The following TMPRSS2 variants were observed in gnomAD, a reference collection of about 807,000 sequenced individuals.
TMPRSS2 encodes transmembrane protease serine 2.
TMPRSS2 carries 59 observed loss-of-function variants against 67.4 expected under a neutral mutation model. The ratio of observed to expected loss-of-function variants is 0.88; its 90% confidence interval spans 0.71 to 1.09. TMPRSS2 has a LOEUF of 1.09. Ranked by LOEUF, TMPRSS2 falls within the 50% of genes least tolerant of loss-of-function variation. The probability of loss-of-function intolerance (pLI) is 0.00; values close to 1 mark genes in which losing one functional copy is unlikely to be tolerated. For synonymous variants in TMPRSS2, 257 were observed against 257.0 expected (o/e 1.00, Z 0.00); for missense variants, 668 against 642.7 (o/e 1.04, Z -0.43).
intron 11 of TMPRSS2, chr21:41,468,889 G>T: frequency 4.1e-6 from 1 of 241,912 alleles, no homozygotes; most frequent in Admixed American, 4.8e-5. Context: ...ACCCCACCCA[G>T]GACACACAGG....
chr21:41,492,489 T>C (rs1911952192), intron 3 of TMPRSS2, among the ~76,000 whole-genome samples: 1 of 152,236 alleles, frequency 6.6e-6, no homozygotes, highest in African/African-American at 2.4e-5. Flanking sequence ...GCTTCTGAAT[T>C]GGTGCTACTC....
intron 5 of TMPRSS2, chr21:41,488,101 C>T: frequency 4.0e-6 from 1 of 252,380 alleles, no homozygotes; most frequent in East Asian, 6.4e-5. Flanking sequence ...CCTGCATCTC[C>T]AACTTTATAA....
chr21:41,493,669 A>G (rs2091355936), intron 3 of TMPRSS2, among the ~76,000 whole-genome samples: 1 of 152,240 alleles, frequency 6.6e-6, no homozygotes, highest in Non-Finnish European at 1.5e-5. Context: ...AACTAGCCTG[A>G]ATTAACAGCT....
chr21:41,469,406 C>T (rs7278627), intron 11 of TMPRSS2, among the ~76,000 whole-genome samples: 2 of 151,976 alleles, frequency 1.3e-5, no homozygotes, highest in Non-Finnish European at 2.9e-5. Flanking sequence ...CCACTCCCCA[C>T]GCAGCTGCCA....
intron 13 of TMPRSS2, among the ~76,000 whole-genome samples, chr21:41,467,409 T>A (rs908923822): frequency 2.0e-5 from 3 of 148,206 alleles, no homozygotes; most frequent in Admixed American, 6.7e-5. Context: ...AAAAAAAGTT[T>A]GATGTGAGGT....
chr21:41,472,539 T>C (rs932989979), intron 9 of TMPRSS2, among the ~76,000 whole-genome samples: 2 of 150,900 alleles, frequency 1.3e-5, no homozygotes, highest in Non-Finnish European at 3.0e-5. Flanking sequence ...CCAGAGCACC[T>C]GGGGGTGTGA....
In TMPRSS2 at chr21:41,488,494, G is replaced by GT. The variant is rs753123464; in HGVS notation, c.344dup (p.Asn115LysfsTer17). ...CTGAGGAGTCGCACTCTATCCCAGAGTTGGAGCACTTGCTGCCCACTTGCA... is the reference window on the plus strand; with the variant it reads ...CTGAGGAGTCGCACTCTATCCCAGAGTTTGGAGCACTTGCTGCCCACTTGCA... On this transcript the variant is annotated frameshift_variant, in exon 5 of 14. Coordinates refer to ENST00000332149, the MANE Select transcript of TMPRSS2 (RefSeq NM_005656.4). LOFTEE classifies it high-confidence loss of function. 6.2e-7 allele frequency: 1 copy of GT among 1,613,360 alleles called. No homozygotes were observed. The highest frequency in any genetic ancestry group is 8.5e-7 in the Non-Finnish European group (1 of 1,179,484).
At chr21:41,473,870 A>G (rs1164097132) in intron 8 of TMPRSS2, among the ~76,000 whole-genome samples, 1 of 143,010 alleles carries the variant, frequency 7.0e-6, no homozygotes, top group East Asian at 2.1e-4. Context: ...GCTGGAAGTG[A>G]GTGAGGGGGT....
intron 8 of TMPRSS2, among the ~76,000 whole-genome samples, chr21:41,473,756 T>C (rs1446913724): frequency 1.3e-5 from 2 of 150,822 alleles, no homozygotes; most frequent in South Asian, 2.1e-4. Flanking sequence ...GGTGGGGGTG[T>C]TCTGGATAAC....
In TMPRSS2 at chr21:41,479,161, T is replaced by C; in HGVS notation, c.683+11A>G. ...CATTCCAAAATTTTTCAAGAAGAAATTGCTGCATACCTGTGGTACAGTTTT... is the reference window on the plus strand; with the variant it reads ...CATTCCAAAATTTTTCAAGAAGAAACTGCTGCATACCTGTGGTACAGTTTT... On this transcript the variant is annotated intron_variant, in intron 7 of 13. Coordinates refer to ENST00000332149, the MANE Select transcript of TMPRSS2 (RefSeq NM_005656.4). The C allele has an allele frequency of 1.2e-6, 2 of 1,605,292 alleles. No individual in the cohort carries two copies. Among genetic ancestry groups the C allele is most frequent in the Non-Finnish European group, 1.7e-6 (2 of 1,174,150 alleles).
chr21:41,472,574 T>C (rs1296651736), intron 9 of TMPRSS2, among the ~76,000 whole-genome samples: 5 of 152,114 alleles, frequency 3.3e-5, no homozygotes, highest in Non-Finnish European at 1.5e-5. Flanking sequence ...GGGAGCACCC[T>C]TGGGTAACAG....
In TMPRSS2 at chr21:41,470,638, G is replaced by A; in HGVS notation, c.1171+10C>T. 1 of 1,612,484 alleles carries A rather than the reference G, an allele frequency of 6.2e-7. No individual in the cohort carries two copies. Among genetic ancestry groups the A allele is most frequent in the Non-Finnish European group, 8.5e-7 (1 of 1,179,448 alleles). ...GCCCTGCAGTCCTGTGTGCCCAGGA[G>A]CAGCCTCACCTTTCTCCTCGGTGGC... On this transcript the variant is annotated intron_variant, in intron 11 of 13. Transcript: ENST00000332149.
chr21:41,468,335 C>G (rs2091101646), intron 12 of TMPRSS2, 61 bp downstream of exon 12: 1 of 1,597,098 alleles, frequency 6.3e-7, no homozygotes, highest in African/African-American at 1.3e-5. Flanking sequence ...TGCCCTCTCT[C>G]TCATGGGGGG....
chr21:41,484,739 T>C (rs2091282619), intron 5 of TMPRSS2, among the ~76,000 whole-genome samples: 1 of 152,146 alleles, frequency 6.6e-6, no homozygotes, highest in African/African-American at 2.4e-5. Context: ...CCTACTGATA[T>C]GCTCACACAC....
At chr21:41,468,752 T>C (rs2091105654) in intron 11 of TMPRSS2, 1 of 523,364 alleles carries the variant, frequency 1.9e-6, no homozygotes, top group Non-Finnish European at 3.4e-6. Flanking sequence ...AATGCAGCTC[T>C]GGAGTTCAGC....
At chr21:41,466,836 G>T (rs958798839) in intron 13 of TMPRSS2, among the ~76,000 whole-genome samples, 1 of 152,192 alleles carries the variant, frequency 6.6e-6, no homozygotes, top group Non-Finnish European at 1.5e-5. Flanking sequence ...AAAACTATAC[G>T]TCTGAGGTCC....
At chr21:41,468,855 A>C (rs2091106612) in intron 11 of TMPRSS2, 1 of 290,740 alleles carries the variant, frequency 3.4e-6, no homozygotes, top group South Asian at 7.0e-5. Flanking sequence ...GGTTCTGCTG[A>C]ACCAATTTCC....
rs543548317 is a variant in TMPRSS2 at position 41,508,115 on chromosome 21, C to CCCTCCGCCTCCG, written c.-103_-92dup. 2.8e-6 allele frequency: 3 copies of CCCTCCGCCTCCG among 1,078,620 alleles called. No individual in the cohort carries two copies. The highest frequency in any genetic ancestry group is 6.6e-5 in the East Asian group (2 of 30,428). The allele number at this position is 1,078,620 out of a possible 1,614,324, so 66.8% of individuals were successfully genotyped here. A position where few individuals can be genotyped will look rare whatever the true frequency, so the allele number is the denominator to read the frequency against. On this transcript the variant is annotated 5_prime_UTR_variant, in exon 1 of 14. Coordinates refer to ENST00000332149, the MANE Select transcript of TMPRSS2 (RefSeq NM_005656.4). ...TCCAGGCGGCGCTCCCCGCCCCTCGCCCTCCGCCTCCGCCTCCGCCTCCTG... is the reference window on the plus strand; with the variant it reads ...TCCAGGCGGCGCTCCCCGCCCCTCGCCCTCCGCCTCCGCCTCCGCCTCCGCCTCCGCCTCCTG...
chr21:41,489,406 G>A (rs569959837), intron 4 of TMPRSS2, 101 bp downstream of exon 4: 36 of 889,754 alleles, frequency 4.0e-5, no homozygotes, highest in South Asian at 2.6e-4. Flanking sequence ...GGAACCTCAC[G>A]GAGGGCCTCC....
Sources: allele counts gnomAD v4.1 joint callset (sites outside exome capture counted in the v4.1 genomes callset), GRCh38; gene constraint gnomAD v4.1.1; transcripts MANE v1.5; gene names NCBI Gene and HGNC (gene_info 2026-07-23, HGNC 2026-07-21).